ZFHX3: variants seen among roughly 807,000 people sequenced by gnomAD.
ZFHX3 encodes the protein zinc finger homeobox 3.
In ZFHX3, 42 loss-of-function variants were observed where a neutral mutation model predicts 279.1. The observed-to-expected ratio is 0.15, with a 90% CI of 0.12 to 0.19. ZFHX3 has a LOEUF of 0.19. ZFHX3 is among the 10% of genes least tolerant of loss of function. The pLI, the probability that ZFHX3 is intolerant of heterozygous loss-of-function variation, is 1.00. For synonymous variants in ZFHX3, 2,293 were observed against 1,957.8 expected, an observed-to-expected ratio of 1.17 and a Z score of -4.52; for missense variants, 4,981 against 4,754.0, an observed-to-expected ratio of 1.05 and a Z score of -1.40.
chr16:73,126,343 C>G, intron 7 of ZFHX3, among the ~76,000 whole-genome samples: 1 of 151,980 alleles, frequency 6.6e-6, no homozygotes, highest in Non-Finnish European at 1.5e-5. Flanking sequence ...GTGATGAGGG[C>G]TTGAATGAGG....
At chr16:73,310,586 T>C (rs2143162971) in intron 4 of ZFHX3, among the ~76,000 whole-genome samples, 1 of 152,240 alleles carries the variant, frequency 6.6e-6, no homozygotes. Flanking sequence ...TGACATCTAA[T>C]AGGTAGAGGC....
At chr16:73,590,204 A>G (rs545088256) in intron 2 of ZFHX3, among the ~76,000 whole-genome samples, 15 of 152,224 alleles carry the variant, frequency 9.9e-5, no homozygotes, top group Non-Finnish European at 1.9e-4. Context: ...CTCATGATAT[A>G]AAGAAAACAT....
At chr16:73,057,600 C>T (rs1965586049) in intron 1 of ZFHX3, among the ~76,000 whole-genome samples, 1 of 151,544 alleles carries the variant, frequency 6.6e-6, no homozygotes, top group Admixed American at 6.6e-5. Flanking sequence ...CCTCGGATGT[C>T]TCTGAGCTCA....
chr16:73,407,421 G>A (rs1305990628), intron 3 of ZFHX3, among the ~76,000 whole-genome samples: 3 of 152,160 alleles, frequency 2.0e-5, no homozygotes, highest in Non-Finnish European at 4.4e-5. Flanking sequence ...CCTGTGGTAT[G>A]ATATCATCAA....
At chr16:73,803,531 T>A (rs1349896460) in intron 1 of ZFHX3, among the ~76,000 whole-genome samples, 1 of 152,244 alleles carries the variant, frequency 6.6e-6, no homozygotes, top group Non-Finnish European at 1.5e-5. Flanking sequence ...TATGAGAGCC[T>A]ATTGAACAGA....
At chr16:73,786,735 C>T (rs1353025380) in intron 1 of ZFHX3, among the ~76,000 whole-genome samples, 1 of 152,172 alleles carries the variant, frequency 6.6e-6, no homozygotes, top group East Asian at 1.9e-4. Flanking sequence ...TCCAAAGCTC[C>T]AGGCTTCTGA....
chr16:73,011,057 C>A (rs958184677), intron 1 of ZFHX3, among the ~76,000 whole-genome samples: 2 of 152,176 alleles, frequency 1.3e-5, no homozygotes, highest in African/African-American at 4.8e-5. Context: ...TCTTGGCTCA[C>A]TGCAACCTCG....
intron 3 of ZFHX3, among the ~76,000 whole-genome samples, chr16:73,352,325 T>C (rs901723851): frequency 6.6e-6 from 1 of 152,142 alleles, no homozygotes; most frequent in Admixed American, 6.5e-5. Flanking sequence ...AATAGCTCGG[T>C]AAGCATGGGC....
intron 3 of ZFHX3, among the ~76,000 whole-genome samples, chr16:73,324,761 T>C (rs776115698): frequency 6.6e-6 from 1 of 152,198 alleles, no homozygotes; most frequent in African/African-American, 2.4e-5. Flanking sequence ...GCAGGAGTTA[T>C]AGAACTTCTG....
chr16:73,759,767 T>C (rs2053844499), intron 1 of ZFHX3, among the ~76,000 whole-genome samples: 2 of 152,108 alleles, frequency 1.3e-5, no homozygotes, highest in South Asian at 4.1e-4. Context: ...AGCTATGCCC[T>C]TTGAGTTTTG....
intron 1 of ZFHX3, among the ~76,000 whole-genome samples, chr16:73,838,127 T>A (rs1015853651): frequency 5.3e-5 from 8 of 152,096 alleles, no homozygotes; most frequent in African/African-American, 1.9e-4. Flanking sequence ...TGTCAGAGAG[T>A]TGTCAGGTTT....
chr16:72,791,841 G>A (rs1159038133), intron 9 of ZFHX3, among the ~76,000 whole-genome samples: 1 of 152,158 alleles, frequency 6.6e-6, no homozygotes, highest in Non-Finnish European at 1.5e-5. Flanking sequence ...TAAGAAATGG[G>A]GACCAGGAAT....
intron 1 of ZFHX3, among the ~76,000 whole-genome samples, chr16:73,035,878 T>C (rs1183338218): frequency 2.0e-5 from 3 of 152,198 alleles, no homozygotes; most frequent in East Asian, 3.9e-4. Context: ...GATTCCAGCC[T>C]GGGAGACAGA....
chr16:73,116,120 CAAA>C (rs1229813862), intron 7 of ZFHX3, among the ~76,000 whole-genome samples: 3 of 132,496 alleles, frequency 2.3e-5, no homozygotes, highest in Non-Finnish European at 3.3e-5. Context: ...AACTCTGTCT[CAAA>C]AAAAAAAAAA....
At chr16:73,862,710 G>A (rs1597148575) in intron 1 of ZFHX3, among the ~76,000 whole-genome samples, 1 of 152,138 alleles carries the variant, frequency 6.6e-6, no homozygotes, top group South Asian at 2.1e-4. Context: ...CCAGGAGGAA[G>A]AGGCTGTAGA....
At chr16:73,266,866 T>G (rs1333915471) in intron 4 of ZFHX3, among the ~76,000 whole-genome samples, 2 of 152,274 alleles carry the variant, frequency 1.3e-5, no homozygotes, top group African/African-American at 4.8e-5. Flanking sequence ...CCTAGCCATG[T>G]GGAACTGTGA....
intron 5 of ZFHX3, among the ~76,000 whole-genome samples, chr16:72,813,180 A>G (rs979455323): frequency 3.3e-5 from 5 of 150,804 alleles, no homozygotes; most frequent in African/African-American, 7.4e-5. Flanking sequence ...AAGCAATAAG[A>G]AAAAAAAAGT....
At chr16:73,649,818 A>G (rs2052653985) in intron 2 of ZFHX3, among the ~76,000 whole-genome samples, 1 of 152,192 alleles carries the variant, frequency 6.6e-6, no homozygotes, top group Non-Finnish European at 1.5e-5. Flanking sequence ...GCAATAATTC[A>G]TAAGAGTCCA....
At chr16:73,743,582 T>C (rs1029985327) in intron 1 of ZFHX3, among the ~76,000 whole-genome samples, 3 of 152,192 alleles carry the variant, frequency 2.0e-5, no homozygotes, top group African/African-American at 7.2e-5. Flanking sequence ...ATACTTTAAA[T>C]ATATGGAAGT....
Sources: gnomAD v4.1 joint callset for allele counts (sites outside exome capture counted in the v4.1 genomes callset) on GRCh38, gnomAD v4.1.1 for gene constraint, MANE v1.5 for transcripts, NCBI Gene and HGNC (gene_info 2026-07-23, HGNC 2026-07-21) for gene names.